The following NRXN1 variants were observed in gnomAD, a reference collection of about 807,000 sequenced individuals.
NRXN1 encodes the protein neurexin 1, also known as neurexin-1.
Under a neutral mutation model 150.9 loss-of-function variants are expected in NRXN1, and 39 were observed. The ratio of observed to expected loss-of-function variants is 0.26; its 90% CI spans 0.20 to 0.34. The LOEUF is 0.34. Among genes scored for constraint, NRXN1 ranks in the 10% least tolerant of loss-of-function variants. NRXN1 has a pLI of 1.00. For missense variants in NRXN1, 1,815 were observed against 1,949.9 expected, an observed-to-expected ratio of 0.93 and a Z score of 1.30; for synonymous variants, 924 against 757.0, an observed-to-expected ratio of 1.22 and a Z score of -3.62.
intron 5 of NRXN1, among the ~76,000 whole-genome samples, chr2:50,855,017 C>T (rs1019779245): frequency 6.6e-6 from 1 of 151,944 alleles, no homozygotes; most frequent in East Asian, 1.9e-4. Flanking sequence ...TGAAAAATCT[C>T]TCCAAATTAT....
At chr2:50,501,231 A>G (rs189105219) in intron 13 of NRXN1, among the ~76,000 whole-genome samples, 3 of 152,288 alleles carry the variant, frequency 2.0e-5, no homozygotes, top group African/African-American at 7.2e-5. Flanking sequence ...GATAACAAAC[A>G]GCTACAGAGC....
intron 17 of NRXN1, among the ~76,000 whole-genome samples, chr2:50,326,677 T>C (rs531854549): frequency 6.6e-6 from 1 of 152,318 alleles, no homozygotes; most frequent in African/African-American, 2.4e-5. Flanking sequence ...CTTGCTTTGT[T>C]ACCTTTTGCT....
intron 8 of NRXN1, among the ~76,000 whole-genome samples, chr2:50,580,218 T>G (rs1672044881): frequency 1.3e-5 from 2 of 152,266 alleles, no homozygotes; most frequent in South Asian, 4.1e-4. Flanking sequence ...AATTATAAAC[T>G]CAGAAATCGA....
At chr2:50,480,694 T>C (rs2090396178) in intron 15 of NRXN1, among the ~76,000 whole-genome samples, 1 of 152,176 alleles carries the variant, frequency 6.6e-6, no homozygotes, top group African/African-American at 2.4e-5. Flanking sequence ...CCTTCTAGTT[T>C]GTAGCTTCTA....
chr2:50,584,987 C>T (rs886259430), intron 8 of NRXN1, among the ~76,000 whole-genome samples: 2 of 152,098 alleles, frequency 1.3e-5, no homozygotes, highest in African/African-American at 4.8e-5. Flanking sequence ...GTTTCTCAAA[C>T]TTGAGTCGTG....
chr2:50,752,428 T>C (rs1700701087), intron 5 of NRXN1, among the ~76,000 whole-genome samples: 1 of 151,936 alleles, frequency 6.6e-6, no homozygotes, highest in Non-Finnish European at 1.5e-5. Flanking sequence ...ATTGTATTTC[T>C]GCCAAGTACC....
At chr2:50,188,231 C>A (rs927065250) in intron 18 of NRXN1, among the ~76,000 whole-genome samples, 3 of 152,100 alleles carry the variant, frequency 2.0e-5, no homozygotes, top group African/African-American at 4.8e-5. Context: ...CATCTACAAC[C>A]ATTTGATCTT....
At chr2:50,833,436 TG>T (rs1276682216) in intron 5 of NRXN1, among the ~76,000 whole-genome samples, 1 of 152,206 alleles carries the variant, frequency 6.6e-6, no homozygotes, top group Non-Finnish European at 1.5e-5. Context: ...AAACATACTG[TG>T]GTACCTCCCT....
chr2:51,022,627 T>C (rs1669802401), intron 2 of NRXN1, among the ~76,000 whole-genome samples: 1 of 152,126 alleles, frequency 6.6e-6, no homozygotes, highest in Non-Finnish European at 1.5e-5. Flanking sequence ...CAGAGCCTTC[T>C]CAATACAGGT....
chr2:50,958,537 C>T (rs1449565469), intron 2 of NRXN1, among the ~76,000 whole-genome samples: 1 of 151,724 alleles, frequency 6.6e-6, no homozygotes, highest in Non-Finnish European at 1.5e-5. Context: ...TATAGAAAGT[C>T]AACTGGTTTT....
chr2:50,859,932 GATAC>G (rs1161570525), intron 5 of NRXN1, among the ~76,000 whole-genome samples: 2 of 150,962 alleles, frequency 1.3e-5, no homozygotes, highest in Non-Finnish European at 2.9e-5. Flanking sequence ...TGTTGTATTG[GATAC>G]ATATTTATAA....
At chr2:50,797,261 A>G (rs1249635052) in intron 5 of NRXN1, among the ~76,000 whole-genome samples, 1 of 152,110 alleles carries the variant, frequency 6.6e-6, no homozygotes, top group East Asian at 1.9e-4. Flanking sequence ...CCTCTGTATC[A>G]TAGACAAGAT....
At chr2:50,466,366 AAC>A (rs3052514) in intron 16 of NRXN1, 231,147 of 408,104 alleles carry the variant, frequency 0.57, 67,083 homozygotes, top group Middle Eastern at 0.67. Context: ...GAACCCAAAT[AAC>A]AGTTACTGCA....
At chr2:50,770,268 T>G (rs1702850527) in intron 5 of NRXN1, among the ~76,000 whole-genome samples, 1 of 152,078 alleles carries the variant, frequency 6.6e-6, no homozygotes, top group South Asian at 2.1e-4. Flanking sequence ...TTTTTATAGC[T>G]AAATGACTGT....
At chr2:50,648,696 T>C (rs1685160582) in intron 5 of NRXN1, among the ~76,000 whole-genome samples, 5 of 152,012 alleles carry the variant, frequency 3.3e-5, no homozygotes, top group Admixed American at 3.3e-4. Context: ...ATGGATTTAA[T>C]GGGTCAGCAA....
chr2:51,026,296 C>A, intron 2 of NRXN1: 1 of 948,374 alleles, frequency 1.1e-6, no homozygotes, highest in South Asian at 1.4e-5. Flanking sequence ...TTGCTTTGAC[C>A]CATAAGCTAT....
At chr2:50,493,253 T>G (rs1485135558) in intron 15 of NRXN1, among the ~76,000 whole-genome samples, 1 of 152,188 alleles carries the variant, frequency 6.6e-6, no homozygotes, top group East Asian at 1.9e-4. Flanking sequence ...GTAGAAGTTC[T>G]CCTTTATGAA....
intron 15 of NRXN1, among the ~76,000 whole-genome samples, chr2:50,487,271 T>C (rs2090940506): frequency 6.6e-6 from 1 of 152,154 alleles, no homozygotes; most frequent in African/African-American, 2.4e-5. Context: ...TTCACCCAGG[T>C]CTTTCTGACG....
chr2:50,926,004 G>C (rs1266034194), intron 2 of NRXN1, 49 bp from the exon 3 acceptor site: 4 of 1,490,238 alleles, frequency 2.7e-6, no homozygotes, highest in East Asian at 2.4e-5. Context: ...CATTCATTAA[G>C]CAGCATGCAG....
Sources: allele counts gnomAD v4.1 joint callset (sites outside exome capture counted in the v4.1 genomes callset), GRCh38; gene constraint gnomAD v4.1.1; transcripts MANE v1.5; gene names NCBI Gene and HGNC (gene_info 2026-07-23, HGNC 2026-07-21).